SMIM35: variants seen among roughly 807,000 people sequenced by gnomAD.
SMIM35 encodes the protein small integral membrane protein 35, also known as TMPRSS4 antisense RNA 1 (non-protein coding).
intron 1 of SMIM35, among the ~76,000 whole-genome samples, chr11:118,018,374 G>A (rs1251198921): frequency 1.3e-5 from 2 of 152,134 alleles, no homozygotes; most frequent in Non-Finnish European, 2.9e-5. Flanking sequence ...GCTGGAGAAG[G>A]GGGACCAGTC....
intron 4 of SMIM35, among the ~76,000 whole-genome samples, chr11:118,007,221 G>A (rs2058126562): frequency 6.6e-6 from 1 of 152,030 alleles, no homozygotes; most frequent in Non-Finnish European, 1.5e-5. Flanking sequence ...GGCTAGAAGT[G>A]GGTGAAAAAG....
At chr11:118,020,986 T>C (rs2058224103) in intron 1 of SMIM35, among the ~76,000 whole-genome samples, 1 of 152,050 alleles carries the variant, frequency 6.6e-6, no homozygotes, top group Admixed American at 6.6e-5. Flanking sequence ...CACTGGGATA[T>C]CTTCTTTAAC....
chr11:118,024,040 GAA>G (rs1447127301), intron 1 of SMIM35, among the ~76,000 whole-genome samples: 2 of 151,112 alleles, frequency 1.3e-5, no homozygotes, highest in African/African-American at 4.9e-5. Context: ...AAGAAAGAAA[GAA>G]AAGAGTATTA....
intron 1 of SMIM35, among the ~76,000 whole-genome samples, chr11:118,043,815 G>A (rs1452985943): frequency 7.2e-6 from 1 of 138,288 alleles, no homozygotes; most frequent in African/African-American, 2.6e-5. Flanking sequence ...AAAAAAAAAA[G>A]GAAAAGAAAA....
chr11:118,024,742 G>A (rs962716079), intron 1 of SMIM35, among the ~76,000 whole-genome samples: 5 of 152,180 alleles, frequency 3.3e-5, no homozygotes, highest in Admixed American at 6.5e-5. Flanking sequence ...CAAAGTGCTG[G>A]GATTACAGAC....
At chr11:118,032,838 G>A (rs1258377145) in intron 1 of SMIM35, among the ~76,000 whole-genome samples, 1 of 152,174 alleles carries the variant, frequency 6.6e-6, no homozygotes, top group African/African-American at 2.4e-5. Context: ...AACTCAGGAG[G>A]TGGAGGTTGC....
chr11:118,029,556 G>T, intron 1 of SMIM35: 1 of 440,226 alleles, frequency 2.3e-6, no homozygotes, highest in African/African-American at 2.0e-5. Flanking sequence ...AGGCTACAAG[G>T]CTGGAGGATG....
At chr11:118,046,702 C>A (rs1324850885) in intron 1 of SMIM35, among the ~76,000 whole-genome samples, 1 of 152,166 alleles carries the variant, frequency 6.6e-6, no homozygotes, top group African/African-American at 2.4e-5. Context: ...AGGAAACTCT[C>A]CAGAGGTGGG....
At chr11:118,072,999 C>T (rs1211807182) in intron 1 of SMIM35, among the ~76,000 whole-genome samples, 1 of 152,258 alleles carries the variant, frequency 6.6e-6, no homozygotes, top group Non-Finnish European at 1.5e-5. Flanking sequence ...TGGGTCACTG[C>T]AACCTCCACC....
intron 1 of SMIM35, among the ~76,000 whole-genome samples, chr11:118,042,556 A>T (rs1029827722): frequency 3.3e-5 from 5 of 152,256 alleles, no homozygotes; most frequent in African/African-American, 7.2e-5. Context: ...TCAGTTATTC[A>T]CAAACTCTTC....
chr11:118,061,235 A>AAG (rs1944390901), intron 1 of SMIM35, among the ~76,000 whole-genome samples: 1 of 152,246 alleles, frequency 6.6e-6, no homozygotes, highest in African/African-American at 2.4e-5. Flanking sequence ...GGAGGTGATT[A>AAG]AGACTCCAAG....
intron 1 of SMIM35, among the ~76,000 whole-genome samples, chr11:118,016,841 G>T (rs1447597108): frequency 6.6e-6 from 1 of 152,188 alleles, no homozygotes; most frequent in Non-Finnish European, 1.5e-5. Flanking sequence ...ATGCTCAATA[G>T]ATGTAAATTA....
chr11:118,049,672 T>C (rs567081531), intron 1 of SMIM35, among the ~76,000 whole-genome samples: 6 of 152,248 alleles, frequency 3.9e-5, no homozygotes, highest in South Asian at 4.1e-4. Flanking sequence ...TTTAATTTAA[T>C]TTTTGCGTGT....
intron 1 of SMIM35, among the ~76,000 whole-genome samples, chr11:118,076,639 A>C (rs1944699122): frequency 6.6e-6 from 1 of 152,110 alleles, no homozygotes. Flanking sequence ...AAGGGGGTAC[A>C]TCTTACCTCC....
intron 1 of SMIM35, among the ~76,000 whole-genome samples, chr11:118,036,628 C>T (rs1319807443): frequency 6.6e-6 from 1 of 152,206 alleles, no homozygotes; most frequent in East Asian, 1.9e-4. Flanking sequence ...CCTCCAGCTG[C>T]AGGGCAGTGA....
intron 4 of SMIM35, among the ~76,000 whole-genome samples, chr11:118,011,035 A>G (rs2058147386): frequency 6.6e-6 from 1 of 152,234 alleles, no homozygotes. Context: ...GTCCAGGGGT[A>G]AGGCCCAGGC....
intron 1 of SMIM35, among the ~76,000 whole-genome samples, chr11:118,040,163 C>A (rs1473673518): frequency 6.6e-6 from 1 of 151,952 alleles, no homozygotes; most frequent in Non-Finnish European, 1.5e-5. Flanking sequence ...TTGCAGTGAG[C>A]CGAGATCATG....
intron 1 of SMIM35, chr11:118,028,765 A>C: frequency 2.3e-6 from 1 of 444,266 alleles, no homozygotes; most frequent in Non-Finnish European, 4.5e-6. Context: ...GAAGAAGAGA[A>C]ACTGAGAAGC....
At chr11:118,035,766 G>A (rs573235077) in intron 1 of SMIM35, among the ~76,000 whole-genome samples, 3 of 152,234 alleles carry the variant, frequency 2.0e-5, no homozygotes, top group Admixed American at 6.5e-5. Flanking sequence ...CCTCAGCATG[G>A]GGGATCCTCC....
Sources: allele counts gnomAD v4.1 joint callset (sites outside exome capture counted in the v4.1 genomes callset), GRCh38; gene constraint gnomAD v4.1.1; transcripts MANE v1.5; gene names NCBI Gene and HGNC (gene_info 2026-07-23, HGNC 2026-07-21).